The following MTDH variants were observed in gnomAD, a reference collection of about 807,000 sequenced individuals.
MTDH encodes protein LYRIC.
Under a neutral mutation model 72.7 loss-of-function variants are expected in MTDH, and 34 were observed. The observed-to-expected ratio is 0.47, with a 90% CI of 0.36 to 0.62. MTDH has a LOEUF of 0.62. Among genes scored for constraint, MTDH ranks in the 20% least tolerant of loss-of-function variants. The probability of loss-of-function intolerance (pLI) is 0.00; values close to 1 mark genes in which losing one functional copy is unlikely to be tolerated. For missense variants in MTDH, 677 were observed against 699.4 expected, an observed-to-expected ratio of 0.97 and a Z score of 0.36; for synonymous variants, 266 against 268.9, an observed-to-expected ratio of 0.99 and a Z score of 0.10.
chr8:97,689,688 A>G (rs1006563328), intron 5 of MTDH, among the ~76,000 whole-genome samples: 1 of 145,948 alleles, frequency 6.9e-6, no homozygotes, highest in Non-Finnish European at 1.5e-5. Flanking sequence ...TGAAAAAAGC[A>G]CCTTCTTCTT....
intron 1 of MTDH, 83 bp downstream of exon 1, chr8:97,644,970 C>G: frequency 7.0e-7 from 1 of 1,427,016 alleles, no homozygotes; most frequent in Non-Finnish European, 9.2e-7. Context: ...CGCGCCCCAG[C>G]CGGGAAGGAA....
In MTDH at chr8:97,644,629, G is replaced by A; in HGVS notation, c.123G>A (p.Gly41=). The change falls in exon 1 of 12, where the codon GGG becomes GGA. Residue 41 remains glycine (G), a synonymous_variant. Coordinates refer to ENST00000336273, the MANE Select transcript of MTDH (RefSeq NM_178812.4). ...GCACCGAGCTGGGCCTCGACCTGGGGCTGGAGCCGAAACGGTACCCCGGCT... is the reference window on the plus strand; with the variant it reads ...GCACCGAGCTGGGCCTCGACCTGGGACTGGAGCCGAAACGGTACCCCGGCT... The part of the protein sequence containing the change: ...FLRTELGLDL[G]LEPKRYPGWV... The A allele has an allele frequency of 6.2e-7, 1 of 1,610,156 alleles. No homozygotes were observed. The highest frequency in any genetic ancestry group is 8.5e-7 in the Non-Finnish European group (1 of 1,179,228).
chr8:97,686,612 T>G (rs553456002), intron 2 of MTDH, 56 bp from the exon 3 acceptor site: 2 of 1,088,304 alleles, frequency 1.8e-6, no homozygotes, highest in African/African-American at 3.3e-5. Flanking sequence ...TTTTACTGAC[T>G]CCTACTTATT....
intron 2 of MTDH, among the ~76,000 whole-genome samples, chr8:97,668,510 T>C (rs1812480236): frequency 6.6e-6 from 1 of 151,544 alleles, no homozygotes; most frequent in African/African-American, 2.4e-5. Context: ...TTTAATGTAA[T>C]AGAATATGGA....
intron 2 of MTDH, among the ~76,000 whole-genome samples, chr8:97,684,863 C>G (rs968605341): frequency 6.6e-6 from 1 of 152,110 alleles, no homozygotes; most frequent in African/African-American, 2.4e-5. Flanking sequence ...GTCAGGAGTT[C>G]GAGACCAGCC....
chr8:97,673,503 AC>A (rs1405201446), intron 2 of MTDH, among the ~76,000 whole-genome samples: 1 of 152,198 alleles, frequency 6.6e-6, no homozygotes, highest in African/African-American at 2.4e-5. Context: ...TACTAAAAAT[AC>A]AAAAAATCAG....
chr8:97,665,450 G>A (rs1812344406), intron 2 of MTDH, among the ~76,000 whole-genome samples: 1 of 152,250 alleles, frequency 6.6e-6, no homozygotes, highest in Admixed American at 6.5e-5. Flanking sequence ...AATGTAAGAT[G>A]TACTTACCCT....
At chr8:97,674,071 A>G (rs1485872590) in intron 2 of MTDH, among the ~76,000 whole-genome samples, 1 of 152,020 alleles carries the variant, frequency 6.6e-6, no homozygotes, top group African/African-American at 2.4e-5. Context: ...TGGGAGGATC[A>G]CTTGAGCCCC....
chr8:97,650,747 T>A lies in MTDH; in HGVS notation c.381+5860T>A, dbSNP rs188101440. Among the ~76,000 whole-genome samples the A allele has an allele frequency of 6.2e-3, 939 of 151,924 alleles. 2 individuals are homozygous for A. The highest frequency in any genetic ancestry group is 7.5e-3 in the Non-Finnish European group (511 of 67,934). On this transcript the variant is annotated intron_variant, in intron 1 of 11. Coordinates refer to ENST00000336273, the MANE Select transcript of MTDH (RefSeq NM_178812.4). ...TAAAAATTTATTTATTTATTTATTTTTTGAGCTGGGGTCTCACTGTCACCC... is the reference window on the plus strand; with the variant it reads ...TAAAAATTTATTTATTTATTTATTTATTGAGCTGGGGTCTCACTGTCACCC...
chr8:97,652,748 GT>G (rs1281754328), intron 1 of MTDH, among the ~76,000 whole-genome samples: 8 of 152,100 alleles, frequency 5.3e-5, no homozygotes, highest in African/African-American at 1.9e-4. Flanking sequence ...TTAGGTAATA[GT>G]TTTGCTGGTA....
chr8:97,653,895 A>G (rs1401599441), intron 1 of MTDH, among the ~76,000 whole-genome samples: 1 of 152,238 alleles, frequency 6.6e-6, no homozygotes, highest in Non-Finnish European at 1.5e-5. Flanking sequence ...AAAGAATTAT[A>G]CAGATGTGTA....
intron 1 of MTDH, among the ~76,000 whole-genome samples, chr8:97,646,856 T>C (rs1211743914): frequency 6.6e-6 from 1 of 152,226 alleles, no homozygotes; most frequent in Non-Finnish European, 1.5e-5. Context: ...ATATTGAAGA[T>C]GTATTCGAGA....
intron 9 of MTDH, among the ~76,000 whole-genome samples, chr8:97,717,772 C>T (rs1377897342): frequency 6.6e-6 from 1 of 152,100 alleles, no homozygotes; most frequent in Non-Finnish European, 1.5e-5. Context: ...GTTTTTGAGA[C>T]AAGGTCTCAC....
At chr8:97,677,018 A>AAAAAAAAAAAAAAAAC (rs1554577226) in intron 2 of MTDH, among the ~76,000 whole-genome samples, 1 of 142,186 alleles carries the variant, frequency 7.0e-6, no homozygotes, top group Non-Finnish European at 1.5e-5. Flanking sequence ...AAAAAAAAAA[A>AAAAAAAAAAAAAAAAC]AAAAAAATAC....
chr8:97,721,509 G>A (rs1420565693), intron 10 of MTDH, among the ~76,000 whole-genome samples: 1 of 152,098 alleles, frequency 6.6e-6, no homozygotes, highest in Non-Finnish European at 1.5e-5. Context: ...AATTACTTGG[G>A]CTCACACCAT....
chr8:97,719,403 GA>G (rs1482070282), intron 10 of MTDH, among the ~76,000 whole-genome samples: 1 of 147,740 alleles, frequency 6.8e-6, no homozygotes, highest in Non-Finnish European at 1.5e-5. Context: ...TGAGGCAGGA[GA>G]ATCGCTTGAA....
chr8:97,721,819 C>G (rs1304484800), intron 10 of MTDH, among the ~76,000 whole-genome samples: 2 of 152,218 alleles, frequency 1.3e-5, no homozygotes, highest in Admixed American at 1.3e-4. Flanking sequence ...AATCTAGGCT[C>G]TGCCTTAAGC....
chr8:97,683,714 C>G (rs1813233798), intron 2 of MTDH, among the ~76,000 whole-genome samples: 2 of 152,094 alleles, frequency 1.3e-5, no homozygotes, highest in African/African-American at 4.8e-5. Context: ...CTTTTTATGG[C>G]CTCAGTTTCT....
At chr8:97,724,258 T>G (rs1815269159) in intron 11 of MTDH, among the ~76,000 whole-genome samples, 1 of 152,196 alleles carries the variant, frequency 6.6e-6, no homozygotes, top group African/African-American at 2.4e-5. Flanking sequence ...ATTCTATGCT[T>G]TTTTTCCTCC....
Sources: allele counts gnomAD v4.1 joint callset (sites outside exome capture counted in the v4.1 genomes callset), GRCh38; gene constraint gnomAD v4.1.1; transcripts MANE v1.5; gene names NCBI Gene and HGNC (gene_info 2026-07-23, HGNC 2026-07-21).